MZT2A: variants seen among roughly 807,000 people sequenced by gnomAD.
The protein encoded by MZT2A is mitotic spindle organizing protein 2A.
Under a neutral mutation model 12.4 loss-of-function variants are expected in MZT2A, and 8 were observed. The observed-to-expected ratio is 0.64, with a 90% confidence interval of 0.38 to 1.16. The LOEUF (loss-of-function observed/expected upper bound fraction) is 1.16, where lower values mean the gene tolerates loss of function less well. Ranked by LOEUF, MZT2A falls within the 50% of genes most tolerant of loss-of-function variation. The pLI is 0.01. For synonymous variants in MZT2A, 88 were observed against 107.5 expected (o/e 0.82, Z 1.12); for missense variants, 181 against 223.6 (o/e 0.81, Z 1.22).
chr2:131,472,264 A>G (rs1559341103), intron 2 of MZT2A: 3 of 1,150,942 alleles, frequency 2.6e-6, no homozygotes, highest in East Asian at 5.9e-5. Flanking sequence ...TAGCTGACTT[A>G]TTGAAATGAT....
In MZT2A at chr2:131,491,987, G is replaced by T; in HGVS notation, c.208C>A (p.Leu70Ile). ...GACTTGAGCATCTGGAAGACGGCGA[G>T]GGGGGCCACGTTCAGCTTCAGCAGG... The part of the protein sequence containing the change: ...VDLLKLNVAP[L>I]AVFQMLKSMC... The change falls in exon 2 of 3, where the codon CTC (leucine) becomes ATC (isoleucine). Residue 70 changes from leucine (L) to isoleucine (I), a missense_variant. Physicochemically the swap from Leu to Ile is conservative, Grantham distance 5. Around this residue, in one of 3 missense-constraint regions of MZT2A, gnomAD observed 106 missense variants for 127.2 expected, o/e 0.83. Coordinates refer to ENST00000309451, the MANE Select transcript of MZT2A (RefSeq NM_001085365.2). 6.5e-7 allele frequency: 1 copy of T among 1,549,588 alleles called. No homozygotes were observed. Among genetic ancestry groups the T allele is most frequent in the Non-Finnish European group, 8.7e-7 (1 of 1,146,902 alleles).
upstream of MZT2A, chr2:131,492,410 G>C: frequency 1.6e-6 from 2 of 1,225,200 alleles, no homozygotes; most frequent in Non-Finnish European, 2.0e-6. Context: ...GCCCCGCCCC[G>C]CCGCGCCCCC....
At chr2:131,475,797 GA>G (rs948661300) in intron 2 of MZT2A, among the ~76,000 whole-genome samples, 5 of 152,092 alleles carry the variant, frequency 3.3e-5, no homozygotes, top group African/African-American at 1.2e-4. Context: ...TAGGCAGGGA[GA>G]GGGGCAGGCC....
downstream of MZT2A, chr2:131,479,960 T>A (rs1198929798): frequency 1.9e-5 from 27 of 1,399,200 alleles, no homozygotes; most frequent in Non-Finnish European, 2.5e-5. Context: ...TTATGGATGA[T>A]TTGAATCCAT....
At chr2:131,483,649 A>G (rs1051549568), downstream of MZT2A, among the ~76,000 whole-genome samples, 5 of 152,096 alleles carry the variant, frequency 3.3e-5, no homozygotes, top group African/African-American at 9.7e-5. Flanking sequence ...CAGGAGGCGG[A>G]GCTTGTAGTG....
intron 2 of MZT2A, chr2:131,476,190 G>T (rs139373599): frequency 5.6e-6 from 9 of 1,613,922 alleles, no homozygotes; most frequent in Non-Finnish European, 7.6e-6. Context: ...CTGAAGCAGC[G>T]GAGTTCGCCA....
At chr2:131,479,347 C>T (rs756548886), downstream of MZT2A, 24 of 1,613,990 alleles carry the variant, frequency 1.5e-5, no homozygotes, top group Non-Finnish European at 1.9e-5. Context: ...CTCTTCCACC[C>T]GGAGCAGCTG....
chr2:131,474,405 CTTTTTTTTTTT>C (rs70994777), intron 2 of MZT2A, among the ~76,000 whole-genome samples: 2 of 94,832 alleles, frequency 2.1e-5, no homozygotes, highest in Non-Finnish European at 4.0e-5. Context: ...TCTTCTTCTT[CTTTTTTTTTTT>C]TTTTTTTTTT....
chr2:131,482,442 T>A (rs1354674238), downstream of MZT2A: 9 of 1,471,148 alleles, frequency 6.1e-6, no homozygotes, highest in Non-Finnish European at 7.3e-6. Flanking sequence ...TGAGGTGAAC[T>A]GAGCATTCTC....
At chr2:131,478,753 A>G (rs1371635461) in intron 2 of MZT2A, 2 of 314,396 alleles carry the variant, frequency 6.4e-6, no homozygotes, top group East Asian at 1.4e-4. Context: ...CTTGACCTGC[A>G]TCTTAGGCAT....
intron 2 of MZT2A, among the ~76,000 whole-genome samples, chr2:131,473,729 G>C (rs1419765099): frequency 8.9e-6 from 1 of 112,200 alleles, no homozygotes; most frequent in Non-Finnish European, 1.7e-5. Flanking sequence ...GTGAGAACCA[G>C]TGTCAAAAAA....
At chr2:131,492,990 A>G, upstream of MZT2A, 1 of 1,518,270 alleles carries the variant, frequency 6.6e-7, no homozygotes, top group Non-Finnish European at 8.9e-7. Flanking sequence ...TTGCGCACGT[A>G]CCTTTTGAGG....
At chr2:131,476,066 C>T in intron 2 of MZT2A, 2 of 1,529,128 alleles carry the variant, frequency 1.3e-6, no homozygotes, top group Non-Finnish European at 8.8e-7. Context: ...GAACTCCGAG[C>T]CAATGGCGGC....
At chr2:131,479,476 T>G (rs762791517), downstream of MZT2A, 10 of 1,609,304 alleles carry the variant, frequency 6.2e-6, no homozygotes, top group Admixed American at 1.3e-4. Context: ...GAAGGTTTCA[T>G]GTGGCCATTT....
Position 131,490,191 on chromosome 2 carries a change from A to C in MZT2A, c.319+1685T>G, listed in dbSNP as rs756700821. On this transcript the variant is annotated intron_variant, in intron 2 of 2. Coordinates refer to ENST00000309451, the MANE Select transcript of MZT2A (RefSeq NM_001085365.2). Reference sequence around the variant, plus strand: ...CCTGATCACACCTGGTGACACCTGGAAAGTGTCCCAACTCAGGAGTGAGGC... The same window carrying C: ...CCTGATCACACCTGGTGACACCTGGCAAGTGTCCCAACTCAGGAGTGAGGC... 307 of 743,842 alleles carry C rather than the reference A, an allele frequency of 4.1e-4. 1 individual carries two copies. Among genetic ancestry groups the C allele is most frequent in the Non-Finnish European group, 4.9e-4 (295 of 607,150 alleles). 46.1% of individuals were successfully genotyped at this position (743,842 alleles called of 1,614,324 possible).
Position 131,487,182 on chromosome 2 carries a change from A to G in MZT2A, c.320-2964T>C, listed in dbSNP as rs543650616. On this transcript the variant is annotated intron_variant, in intron 2 of 2. Coordinates refer to ENST00000309451, the MANE Select transcript of MZT2A (RefSeq NM_001085365.2). The stretch of plus-strand genomic sequence containing the variant: ...AAACAGTCAATGACCACTGAATGTT[A>G]AAAACAGCCTGGCTCAGCAGGGGTC... Among the ~76,000 whole-genome samples, 130 of 152,322 alleles carry G rather than the reference A, an allele frequency of 8.5e-4. No homozygotes were observed. The Middle Eastern group carries it at 0.02, about 24-fold the overall frequency.
At chr2:131,476,477 C>T (rs1056706608) in intron 2 of MZT2A, among the ~76,000 whole-genome samples, 8 of 152,214 alleles carry the variant, frequency 5.3e-5, no homozygotes, top group Non-Finnish European at 8.8e-5. Flanking sequence ...GGCGTCGCCT[C>T]CTGAAGACGG....
downstream of MZT2A, chr2:131,480,479 C>T (rs780098794): frequency 3.8e-6 from 6 of 1,588,808 alleles, no homozygotes; most frequent in South Asian, 3.3e-5. Flanking sequence ...TAGTGCCGTA[C>T]CCCCGCATCC....
Position 131,475,020 on chromosome 2 carries a change from GCGTGATCTCAGCT to G in MZT2A, c.279-2851_279-2839del, listed in dbSNP as rs1445045757. ...CTGTCGCCCAGGCTTGAGTGCAGTG[GCGTGATCTCAGCT>G]CACTGCAACCTCTGCCTCCCAGGTT... On this transcript the variant is annotated intron_variant and NMD_transcript_variant, in intron 2 of 4. Transcript: ENST00000427024. 6.6e-5 allele frequency among the ~76,000 whole-genome samples: 10 copies of G among 152,062 alleles called. 1 individual carries two copies. The highest frequency in any genetic ancestry group is 2.4e-4 in the African/African-American group (10 of 41,410).
Sources: allele counts gnomAD v4.1 joint callset (sites outside exome capture counted in the v4.1 genomes callset), GRCh38; gene constraint gnomAD v4.1.1; regional missense constraint gnomAD v4.1.1; transcripts MANE v1.5; gene names NCBI Gene and HGNC (gene_info 2026-07-23, HGNC 2026-07-21).